AGAP1: variants seen among roughly 807,000 people sequenced by gnomAD.
AGAP1 encodes the protein arf-GAP with GTPase, ANK repeat and PH domain-containing protein 1.
In AGAP1, 29 loss-of-function variants were observed where a neutral mutation model predicts 105.3. That is an observed-to-expected ratio of 0.28 (90% CI 0.21 to 0.38). The LOEUF is 0.38. AGAP1 is among the 10% of genes least tolerant of loss of function. The pLI, the probability that AGAP1 is intolerant of heterozygous loss-of-function variation, is 1.00. For synonymous variants in AGAP1, 509 were observed against 485.9 expected (o/e 1.05, Z -0.63); for missense variants, 998 against 1,165.1 (o/e 0.86, Z 2.09).
In AGAP1 at chr2:235,965,852, G is replaced by A. The variant is rs567774778; in HGVS notation, c.1484-2610G>A. Among the ~76,000 whole-genome samples, 2 of 152,302 alleles carry A rather than the reference G, an allele frequency of 1.3e-5. No homozygotes were observed. Among genetic ancestry groups the A allele is most frequent in the Non-Finnish European group, 2.9e-5 (2 of 68,016 alleles). ...CAGAAGTGACGCAGTGGAGAGGGAGGAATGAGTGGAAGTGACCTGGCCAAG... is the reference window on the plus strand; with the variant it reads ...CAGAAGTGACGCAGTGGAGAGGGAGAAATGAGTGGAAGTGACCTGGCCAAG... On this transcript the variant is annotated intron_variant, in intron 12 of 17. Coordinates refer to ENST00000304032, the MANE Select transcript of AGAP1 (RefSeq NM_001037131.3). The surrounding 1 kb of genome is among the most constrained non-coding windows in gnomAD (Gnocchi z 5.8).
rs746027423 is a variant in AGAP1 at position 236,000,817 on chromosome 2, CT to C, written c.1645+32196del. On this transcript the variant is annotated intron_variant, in intron 13 of 17. Coordinates refer to ENST00000304032, the MANE Select transcript of AGAP1 (RefSeq NM_001037131.3). This position sits in a 1 kb window ranked among gnomAD's most constrained non-coding sequence, Gnocchi z 4.3. Reference sequence around the variant, plus strand: ...CCCCTGACAGCAAGAAGGAGCCCCACTTGTGCTGTTCTGTAAGGAGGGTCTT... The same window carrying C: ...CCCCTGACAGCAAGAAGGAGCCCCACTGTGCTGTTCTGTAAGGAGGGTCTT... Among the ~76,000 whole-genome samples the C allele has an allele frequency of 1.3e-5, 2 of 152,194 alleles. No homozygotes were observed. The highest frequency in any genetic ancestry group is 2.4e-5 in the African/African-American group (1 of 41,444).
chr2:235,716,502 G>T lies in AGAP1; in HGVS notation c.223-1055G>T, dbSNP rs1488637921. On this transcript the variant is annotated intron_variant, in intron 2 of 17. Coordinates refer to ENST00000304032, the MANE Select transcript of AGAP1 (RefSeq NM_001037131.3). The surrounding 1 kb of genome is among the most constrained non-coding windows in gnomAD (Gnocchi z 4.0). ...TCAACAAGTGGAACCGAGAGCAAGCGGGGTGAGTCCCAGCTCAGGGAATGG... is the reference window on the plus strand; with the variant it reads ...TCAACAAGTGGAACCGAGAGCAAGCTGGGTGAGTCCCAGCTCAGGGAATGG... Among the ~76,000 whole-genome samples the T allele has an allele frequency of 6.6e-6, 1 of 152,150 alleles. No homozygotes were observed. The highest frequency in any genetic ancestry group is 6.5e-5 in the Admixed American group (1 of 15,270).
intron 10 of AGAP1, among the ~76,000 whole-genome samples, chr2:235,894,604 C>A (rs867435799): frequency 0.013 from 1,952 of 149,170 alleles, 39 homozygotes; most frequent in African/African-American, 0.047. Context: ...CACACACATA[C>A]ACACACACTT....
At chr2:235,760,768 G>A (rs762393971) in intron 6 of AGAP1, among the ~76,000 whole-genome samples, 3 of 152,088 alleles carry the variant, frequency 2.0e-5, no homozygotes, top group Non-Finnish European at 4.4e-5. Flanking sequence ...CAAAATTTTT[G>A]TAGAGATGAG....
Position 235,877,766 on chromosome 2 carries a change from C to G in AGAP1, c.1051-5579C>G, listed in dbSNP as rs748400282. On this transcript the variant is annotated intron_variant, in intron 9 of 17. Transcript: ENST00000304032. This position sits in a 1 kb window ranked among gnomAD's most constrained non-coding sequence, Gnocchi z 4.3. ...GTTTCCCTTGCATCTCAAATTTGCT[C>G]AGACCGTCTGGGGATCTTGTTACAT... Among the ~76,000 whole-genome samples the G allele has an allele frequency of 6.6e-6, 1 of 152,210 alleles. No homozygotes were observed. The highest frequency in any genetic ancestry group is 2.4e-5 in the African/African-American group (1 of 41,456).
In AGAP1 at chr2:235,663,622, G is replaced by A. The variant is rs1419901497; in HGVS notation, c.164-45557G>A. Reference sequence around the variant, plus strand: ...TCAATGTGATTTTCATGTAAGTCATGGATTTTCTAAATCTTTGAGGTTAGT... The same window carrying A: ...TCAATGTGATTTTCATGTAAGTCATAGATTTTCTAAATCTTTGAGGTTAGT... On this transcript the variant is annotated intron_variant, in intron 1 of 17. Transcript: ENST00000304032. This position sits in a 1 kb window ranked among gnomAD's most constrained non-coding sequence, Gnocchi z 5.4. Among the ~76,000 whole-genome samples, 2 of 152,096 alleles carry A rather than the reference G, an allele frequency of 1.3e-5. No homozygotes were observed. Among genetic ancestry groups the A allele is most frequent in the Non-Finnish European group, 2.9e-5 (2 of 68,024 alleles).
At position 235,662,437 on chromosome 2, in the gene AGAP1, A is replaced by T. The variant is rs910517608; in HGVS notation, c.164-46742A>T. Reference sequence around the variant, plus strand: ...GAGGGGAGGACTCACAGCAGTTTTGAAGTAATGTAGATTGTGTGGCCATCC... The same window carrying T: ...GAGGGGAGGACTCACAGCAGTTTTGTAGTAATGTAGATTGTGTGGCCATCC... On this transcript the variant is annotated intron_variant, in intron 1 of 17. Coordinates refer to ENST00000304032, the MANE Select transcript of AGAP1 (RefSeq NM_001037131.3). The surrounding 1 kb of genome is among the most constrained non-coding windows in gnomAD (Gnocchi z 4.2). Among the ~76,000 whole-genome samples, 6 of 151,846 alleles carry T rather than the reference A, an allele frequency of 4.0e-5. No homozygotes were observed. The highest frequency in any genetic ancestry group is 1.5e-4 in the African/African-American group (6 of 41,324).
intron 9 of AGAP1, among the ~76,000 whole-genome samples, chr2:235,812,873 G>A (rs1306630440): frequency 1.3e-5 from 2 of 152,228 alleles, no homozygotes; most frequent in Admixed American, 6.5e-5. Flanking sequence ...AGCTCTGCCT[G>A]GGCGTAGGGG....
At chr2:235,946,828 C>T (rs983837119) in intron 12 of AGAP1, among the ~76,000 whole-genome samples, 26 of 152,168 alleles carry the variant, frequency 1.7e-4, no homozygotes, top group Admixed American at 1.6e-3. Context: ...ATCCCTGCCA[C>T]CCCAGTGCCT....
At chr2:235,536,623 T>C in intron 1 of AGAP1, among the ~76,000 whole-genome samples, 1 of 95,738 alleles carries the variant, frequency 1.0e-5, no homozygotes, top group Non-Finnish European at 2.0e-5. Flanking sequence ...GTGTGTCGCA[T>C]CCTTCACACA....
chr2:235,947,987 C>T (rs1047448232), intron 12 of AGAP1, among the ~76,000 whole-genome samples: 1 of 152,108 alleles, frequency 6.6e-6, no homozygotes, highest in Non-Finnish European at 1.5e-5. Flanking sequence ...AAAGCCTGAG[C>T]GTTGGGCTAG....
rs1018784400 is a variant in AGAP1, at chr2:235,877,810, C to A, written c.1051-5535C>A. Among the ~76,000 whole-genome samples the A allele has an allele frequency of 2.0e-5, 3 of 152,358 alleles. No individual in the cohort carries two copies. Among genetic ancestry groups the A allele is most frequent in the Non-Finnish European group, 2.9e-5 (2 of 68,044 alleles). On this transcript the variant is annotated intron_variant, in intron 9 of 17. Coordinates refer to ENST00000304032, the MANE Select transcript of AGAP1 (RefSeq NM_001037131.3). The surrounding 1 kb of genome is among the most constrained non-coding windows in gnomAD (Gnocchi z 4.3). ...GTTACATTTGGATTGATCCCTCCCC[C>A]TCTTGGGTACACCCAACCACTGGTC...
chr2:235,847,131 A>AAGGT (rs533047909), intron 9 of AGAP1, among the ~76,000 whole-genome samples: 15 of 152,354 alleles, frequency 9.8e-5, no homozygotes, highest in Non-Finnish European at 1.9e-4. Context: ...TAGAGGCTTA[A>AAGGT]AGGTAGAACA....
rs575313675 is a variant in AGAP1, at chr2:235,939,206, A to G, written c.1483+8283A>G. Among the ~76,000 whole-genome samples the G allele has an allele frequency of 4.6e-5, 7 of 152,202 alleles. No individual in the cohort carries two copies. The East Asian group carries it at 1.4e-3, about 30-fold the overall frequency. ...ACTGTTTCCAGCCTTCTCCTCTGGC[A>G]TCTCTGCCTTCCTCTCCCTTGCCTG... On this transcript the variant is annotated intron_variant, in intron 12 of 17. Transcript: ENST00000304032.
At position 235,601,535 on chromosome 2, in the gene AGAP1, CA is replaced by C. The variant is rs1337082089; in HGVS notation, c.163+106687del. 6.6e-6 allele frequency among the ~76,000 whole-genome samples: 1 copy of C among 152,104 alleles called. No individual in the cohort carries two copies. Among genetic ancestry groups the C allele is most frequent in the African/African-American group, 2.4e-5 (1 of 41,434 alleles). On this transcript the variant is annotated intron_variant, in intron 1 of 17. Transcript: ENST00000304032. The surrounding 1 kb of genome is among the most constrained non-coding windows in gnomAD (Gnocchi z 4.4). ...ATGGGGGCAGGCAAGAGAGCTTGCT[CA>C]GGCGAACTCCCGTTTATAAAACCAT...
intron 1 of AGAP1, among the ~76,000 whole-genome samples, chr2:235,685,293 C>T (rs924793675): frequency 6.6e-6 from 1 of 151,918 alleles, no homozygotes; most frequent in East Asian, 2.0e-4. Context: ...GTTCATGCAG[C>T]AGACTCTTGG....
intron 11 of AGAP1, among the ~76,000 whole-genome samples, chr2:235,913,630 A>G (rs896805219): frequency 1.3e-5 from 2 of 152,160 alleles, no homozygotes; most frequent in South Asian, 4.1e-4. Flanking sequence ...TGGTAGTATA[A>G]CACAGTTGAA....
In AGAP1 at chr2:236,014,337, A is replaced by C. The variant is rs1483239098; in HGVS notation, c.1646-22224A>C. Among the ~76,000 whole-genome samples the C allele has an allele frequency of 6.6e-6, 1 of 152,152 alleles. No individual in the cohort carries two copies. Among genetic ancestry groups the C allele is most frequent in the Non-Finnish European group, 1.5e-5 (1 of 68,028 alleles). ...TTAACAGCTCTTGGTTTTAAAACCT[A>C]CCTTCTCCAACACATAGGCATGAAC... On this transcript the variant is annotated intron_variant, in intron 13 of 17. Transcript: ENST00000304032. The surrounding 1 kb of genome is among the most constrained non-coding windows in gnomAD (Gnocchi z 6.3).
intron 9 of AGAP1, among the ~76,000 whole-genome samples, chr2:235,831,413 C>A (rs1479053114): frequency 2.6e-5 from 4 of 152,166 alleles, no homozygotes; most frequent in African/African-American, 7.2e-5. Context: ...GTATCCACCA[C>A]TGCGGTGTAT....
Sources: gnomAD v4.1 joint callset for allele counts (sites outside exome capture counted in the v4.1 genomes callset) on GRCh38, gnomAD v4.1.1 for gene constraint, Gnocchi (gnomAD v3.1) non-coding constraint, MANE v1.5 for transcripts, NCBI Gene and HGNC (gene_info 2026-07-23, HGNC 2026-07-21) for gene names.